Variants in IPMK observed in about 807,000 individuals in gnomAD.
IPMK encodes the protein inositol polyphosphate multikinase.
In IPMK, 17 loss-of-function variants were observed where a neutral mutation model predicts 45.8. The observed-to-expected ratio is 0.37, with a 90% CI of 0.25 to 0.56. The LOEUF (loss-of-function observed/expected upper bound fraction) is 0.56, where lower values mean the gene tolerates loss of function less well. IPMK is among the 20% of genes least tolerant of loss of function. The pLI is 0.79. For synonymous variants in IPMK, 180 were observed against 184.3 expected, an observed-to-expected ratio of 0.98 and a Z score of 0.19; for missense variants, 399 against 498.0, an observed-to-expected ratio of 0.80 and a Z score of 1.89.
intron 2 of IPMK, among the ~76,000 whole-genome samples, chr10:58,232,154 C>G (rs1838533811): frequency 6.6e-6 from 1 of 152,080 alleles, no homozygotes; most frequent in Non-Finnish European, 1.5e-5. Context: ...TATATGCACC[C>G]AATACAGGAG....
intron 3 of IPMK, among the ~76,000 whole-genome samples, chr10:58,224,659 C>G (rs552848323): frequency 6.6e-6 from 1 of 152,194 alleles, no homozygotes; most frequent in South Asian, 2.1e-4. Context: ...ATTTGTTGAA[C>G]AAGTTGGCTT....
intron 1 of IPMK, among the ~76,000 whole-genome samples, chr10:58,251,361 T>A (rs948393938): frequency 1.3e-5 from 2 of 152,200 alleles, no homozygotes; most frequent in South Asian, 4.1e-4. Flanking sequence ...ATAGTTGATA[T>A]TATTTTTAAA....
rs546942404 is a variant in IPMK at position 58,208,098 on chromosome 10, G to A, written c.546+8047C>T. 1.9e-3 allele frequency among the ~76,000 whole-genome samples: 286 copies of A among 151,970 alleles called. 1 individual carries two copies. The highest frequency in any genetic ancestry group is 3.0e-3 in the Non-Finnish European group (206 of 67,956). On this transcript the variant is annotated intron_variant, in intron 4 of 5. Coordinates refer to ENST00000373935, the MANE Select transcript of IPMK (RefSeq NM_152230.5). ...TGGGACTACAGGCGCCCGCCACCAC[G>A]CCCGGCTAATTTTTTGTATTTTTAG...
chr10:58,262,227 A>G (rs1839083627), intron 1 of IPMK, among the ~76,000 whole-genome samples: 1 of 152,168 alleles, frequency 6.6e-6, no homozygotes, highest in Non-Finnish European at 1.5e-5. Flanking sequence ...CATGTACCCC[A>G]GAACTTAAAG....
chr10:58,206,605 C>T (rs764637045), intron 4 of IPMK, among the ~76,000 whole-genome samples: 1 of 152,110 alleles, frequency 6.6e-6, no homozygotes, highest in Non-Finnish European at 1.5e-5. Flanking sequence ...AAAGGTAATG[C>T]AAACCCAAAG....
At chr10:58,258,038 T>A (rs906552679) in intron 1 of IPMK, among the ~76,000 whole-genome samples, 1 of 152,100 alleles carries the variant, frequency 6.6e-6, no homozygotes, top group Non-Finnish European at 1.5e-5. Context: ...AGGCCAGGCG[T>A]GGTGGCTCAC....
At chr10:58,258,622 A>G (rs567643592) in intron 1 of IPMK, among the ~76,000 whole-genome samples, 1 of 152,272 alleles carries the variant, frequency 6.6e-6, no homozygotes, top group African/African-American at 2.4e-5. Flanking sequence ...CTAATTATTA[A>G]TGGATCAAAA....
chr10:58,258,921 TG>T (rs751420339), intron 1 of IPMK, among the ~76,000 whole-genome samples: 22 of 152,214 alleles, frequency 1.4e-4, no homozygotes, highest in Non-Finnish European at 2.4e-4. Context: ...TAGATGGTTC[TG>T]GGAAAATAAG....
intron 2 of IPMK, among the ~76,000 whole-genome samples, chr10:58,228,817 GA>G (rs1450595772): frequency 3.3e-5 from 5 of 152,178 alleles, no homozygotes; most frequent in African/African-American, 1.2e-4. Flanking sequence ...TTTCTATCTT[GA>G]AATGTAGAAT....
At chr10:58,211,697 T>C (rs1248946117) in intron 4 of IPMK, among the ~76,000 whole-genome samples, 5 of 148,338 alleles carry the variant, frequency 3.4e-5, no homozygotes, top group African/African-American at 1.3e-4. Context: ...AAAACCTCAG[T>C]GCAACAGTGA....
In IPMK at chr10:58,267,503, C is replaced by T; in HGVS notation, c.109G>A (p.Gly37Ser). 1 of 1,613,476 alleles carries T rather than the reference C, an allele frequency of 6.2e-7. No homozygotes were observed. The highest frequency in any genetic ancestry group is 8.5e-7 in the Non-Finnish European group (1 of 1,179,832). Residue 37 changes from glycine (G) to serine (S), a missense_variant, in exon 1 of 6, where the codon GGC (glycine) becomes AGC (serine). Gly to Ser is a moderately conservative substitution (Grantham distance 56). Coordinates refer to ENST00000373935, the MANE Select transcript of IPMK (RefSeq NM_152230.5). The stretch of plus-strand genomic sequence containing the variant: ...CCGTTGAGGAAGCGGAGTCTGCCGC[C>T]CGCCGGCTGCGGGGTGCCCTCAGGG... The part of the protein sequence containing the change: ...STPEGTPQPA[G>S]GRLRFLNGCV...
In IPMK at chr10:58,195,036, G is replaced by A. The variant is rs144575688; in HGVS notation, c.*1040C>T. On this transcript the variant is annotated 3_prime_UTR_variant, in exon 6 of 6. Transcript: ENST00000373935. ...AGATACGCACCAAACCCTATATTAC[G>A]GACTAATTTACACACAGTATTTTTG... 3.3e-5 allele frequency: 5 copies of A among 151,934 alleles called. No individual in the cohort carries two copies. Among genetic ancestry groups the A allele is most frequent in the Admixed American group, 2.0e-4 (3 of 15,266 alleles). The allele number at this position is 151,934 out of a possible 1,614,324, so 9.4% of individuals were successfully genotyped here.
At chr10:58,231,359 C>T (rs902843850) in intron 2 of IPMK, among the ~76,000 whole-genome samples, 2 of 152,020 alleles carry the variant, frequency 1.3e-5, no homozygotes, top group Non-Finnish European at 2.9e-5. Context: ...GAAGAGCAAC[C>T]CCAAGACACA....
chr10:58,217,591 G>A (rs766008909), intron 3 of IPMK, among the ~76,000 whole-genome samples: 3 of 149,048 alleles, frequency 2.0e-5, no homozygotes, highest in Non-Finnish European at 3.0e-5. Flanking sequence ...GGGAGGCTGA[G>A]GCAGGAGAAT....
chr10:58,204,350 T>C (rs1367936624), intron 4 of IPMK, among the ~76,000 whole-genome samples: 1 of 152,198 alleles, frequency 6.6e-6, no homozygotes, highest in Non-Finnish European at 1.5e-5. Flanking sequence ...GAGGACAGAA[T>C]GATAAGCAAA....
At chr10:58,258,043 GCTCACACCTGTAAT>G (rs1342300360) in intron 1 of IPMK, among the ~76,000 whole-genome samples, 8 of 152,190 alleles carry the variant, frequency 5.3e-5, no homozygotes, top group African/African-American at 1.9e-4. Flanking sequence ...AGGCGTGGTG[GCTCACACCTGTAAT>G]CCCAGGACTT....
intron 2 of IPMK, among the ~76,000 whole-genome samples, chr10:58,231,874 C>T (rs9415545): frequency 0.34 from 51,086 of 151,648 alleles, 10,768 homozygotes; most frequent in African/African-American, 0.61. Context: ...TTAAAAGACA[C>T]AGACTGGCAA....
intron 5 of IPMK, among the ~76,000 whole-genome samples, chr10:58,198,690 T>C (rs772241056): frequency 8.5e-5 from 13 of 152,190 alleles, no homozygotes; most frequent in Non-Finnish European, 1.2e-4. Context: ...TAGGATATTG[T>C]TGCTTTTGTA....
At chr10:58,231,412 C>G (rs1246044811) in intron 2 of IPMK, among the ~76,000 whole-genome samples, 2 of 152,090 alleles carry the variant, frequency 1.3e-5, no homozygotes, top group African/African-American at 4.8e-5. Flanking sequence ...GAAAAAGTGT[C>G]AAGGACAGCC....
Sources: gnomAD v4.1 joint callset for allele counts (sites outside exome capture counted in the v4.1 genomes callset) on GRCh38, gnomAD v4.1.1 for gene constraint, MANE v1.5 for transcripts, NCBI Gene and HGNC (gene_info 2026-07-23, HGNC 2026-07-21) for gene names.